Variants in DPF3 observed in about 807,000 individuals in gnomAD.
DPF3 encodes zinc finger protein DPF3.
A neutral mutation model predicts 56.8 loss-of-function variants in DPF3; 18 were observed. The ratio of observed to expected loss-of-function variants is 0.32; its 90% CI spans 0.22 to 0.47. The LOEUF (loss-of-function observed/expected upper bound fraction) is 0.47. Among genes scored for constraint, DPF3 ranks in the 20% least tolerant of loss-of-function variants. The pLI, the probability that DPF3 is intolerant of heterozygous loss-of-function variation, is 1.00. For synonymous variants in DPF3, 188 were observed against 180.2 expected, an observed-to-expected ratio of 1.04 and a Z score of -0.35; for missense variants, 403 against 488.8, an observed-to-expected ratio of 0.82 and a Z score of 1.65.
chr14:72,640,252 A>C (rs1885515571), intron 8 of DPF3, among the ~76,000 whole-genome samples: 1 of 152,102 alleles, frequency 6.6e-6, no homozygotes, highest in Admixed American at 6.5e-5. Context: ...TGAGGATCTG[A>C]ATTTAATTCT....
intron 1 of DPF3, among the ~76,000 whole-genome samples, chr14:72,860,393 G>A (rs996744918): frequency 1.1e-4 from 16 of 151,814 alleles, no homozygotes; most frequent in Admixed American, 3.3e-4. Flanking sequence ...CTATGTTGCC[G>A]AGGCTATGCT....
chr14:72,783,400 A>G (rs1892071306), intron 1 of DPF3, among the ~76,000 whole-genome samples: 3 of 152,214 alleles, frequency 2.0e-5, no homozygotes, highest in Admixed American at 2.0e-4. Context: ...CAAAAAAATG[A>G]AAGCTCTAGG....
intron 3 of DPF3, among the ~76,000 whole-genome samples, chr14:72,739,934 C>A (rs1207566287): frequency 6.6e-6 from 1 of 152,104 alleles, no homozygotes; most frequent in Non-Finnish European, 1.5e-5. Flanking sequence ...CAAGTGAAAC[C>A]TTCAGTGTGA....
intron 6 of DPF3, among the ~76,000 whole-genome samples, chr14:72,694,056 C>T (rs925592623): frequency 7.9e-5 from 12 of 152,148 alleles, no homozygotes; most frequent in African/African-American, 2.7e-4. Flanking sequence ...AGCGAGCAAT[C>T]GAAATGTGCC....
intron 1 of DPF3, among the ~76,000 whole-genome samples, chr14:72,853,806 C>T (rs905333223): frequency 1.3e-4 from 20 of 152,334 alleles, no homozygotes; most frequent in African/African-American, 4.8e-4. Flanking sequence ...CAAACTTTCA[C>T]TGCAGTACTG....
At chr14:72,678,007 T>C (rs1378157971) in intron 7 of DPF3, among the ~76,000 whole-genome samples, 2 of 152,202 alleles carry the variant, frequency 1.3e-5, no homozygotes, top group African/African-American at 4.8e-5. Context: ...CAGACATTTA[T>C]CACACCACAA....
intron 3 of DPF3, among the ~76,000 whole-genome samples, chr14:72,747,605 T>C (rs1015294035): frequency 1.4e-5 from 2 of 145,030 alleles, no homozygotes; most frequent in Admixed American, 7.2e-5. Flanking sequence ...CTGGGCAACA[T>C]AGTGAGACCC....
At position 72,618,583 on chromosome 14, in the gene DPF3, G is replaced by T. The variant is rs1948798510; in HGVS notation, c.*714C>A. Among the ~76,000 whole-genome samples the T allele has an allele frequency of 6.6e-6, 1 of 152,172 alleles. No individual in the cohort carries two copies. The highest frequency in any genetic ancestry group is 6.5e-5 in the Admixed American group (1 of 15,284). Reference sequence around the variant, plus strand: ...CCCGATGGATAACAAGTACTGACTGGCTATGGCGGGGCCTTGGCACCATTT... The same window carrying T: ...CCCGATGGATAACAAGTACTGACTGTCTATGGCGGGGCCTTGGCACCATTT... On this transcript the variant is annotated 3_prime_UTR_variant, in exon 11 of 11. Transcript: ENST00000556509.
chr14:72,892,977 AAGGAAGGAAGGAAGGAAGGAAGGAAGG>A (rs1886820972), intron 1 of DPF3, among the ~76,000 whole-genome samples: 1 of 144,774 alleles, frequency 6.9e-6, no homozygotes, highest in African/African-American at 2.6e-5. Context: ...GGAAGGAAGG[AAGGAAGGAAGGAAGGAAGGAAGGAAGG>A]AAGGAAGGAA....
intron 9 of DPF3, among the ~76,000 whole-genome samples, chr14:72,622,098 G>T (rs1285294925): frequency 3.9e-5 from 6 of 152,338 alleles, no homozygotes; most frequent in Non-Finnish European, 7.4e-5. Context: ...TGTCTTCATG[G>T]AGAAGTGTCC....
At chr14:72,670,845 T>C in intron 8 of DPF3, 1 of 1,160,462 alleles carries the variant, frequency 8.6e-7, no homozygotes, top group South Asian at 2.0e-5. Flanking sequence ...ACAATCCGTC[T>C]AACTTCCTAT....
intron 1 of DPF3, among the ~76,000 whole-genome samples, chr14:72,822,496 C>G (rs4569195): frequency 0.094 from 14,242 of 152,172 alleles, 824 homozygotes; most frequent in Admixed American, 0.18. Flanking sequence ...TAAAAGGACA[C>G]ATAAATATTT....
intron 4 of DPF3, among the ~76,000 whole-genome samples, chr14:72,728,049 C>T (rs1426023734): frequency 1.3e-5 from 2 of 150,726 alleles, no homozygotes. Flanking sequence ...AACTCAAGCC[C>T]ACCACCAGCT....
At chr14:72,881,490 C>T (rs1424754445) in intron 1 of DPF3, among the ~76,000 whole-genome samples, 1 of 152,108 alleles carries the variant, frequency 6.6e-6, no homozygotes, top group Non-Finnish European at 1.5e-5. Context: ...CCTGGGAAGA[C>T]GGCCTTCTTC....
At chr14:72,833,703 T>C (rs1368831480) in intron 1 of DPF3, among the ~76,000 whole-genome samples, 2 of 152,194 alleles carry the variant, frequency 1.3e-5, no homozygotes, top group Non-Finnish European at 2.9e-5. Context: ...GGTCACACCA[T>C]GCTGGGGCTG....
At position 72,693,121 on chromosome 14, in the gene DPF3, G is replaced by A. The variant is rs371019013; in HGVS notation, c.697C>T (p.Gln233Ter). ...TGGTTGGGTGGGGACCGAGTCTCCTGGTCTTGAGCTTCATCCCCCTCCTCG... is the reference window on the plus strand; with the variant it reads ...TGGTTGGGTGGGGACCGAGTCTCCTAGTCTTGAGCTTCATCCCCCTCCTCG... ...ASEEGDEAQDQETRSPPNHRN... is the reference protein window; with the variant it reads ...ASEEGDEAQD Residue 233 changes from glutamine (Q) to a stop codon, truncating the protein, a stop_gained, in exon 7 of 11, where the codon CAG becomes TAG. Transcript: ENST00000556509. LOFTEE classifies it high-confidence loss of function. 1 of 1,613,908 alleles carries A rather than the reference G, an allele frequency of 6.2e-7. No homozygotes were observed. Among genetic ancestry groups the A allele is most frequent in the Non-Finnish European group, 8.5e-7 (1 of 1,179,900 alleles).
intron 3 of DPF3, among the ~76,000 whole-genome samples, chr14:72,733,693 C>T (rs995972177): frequency 6.6e-6 from 1 of 152,134 alleles, no homozygotes; most frequent in Non-Finnish European, 1.5e-5. Context: ...AGGGTGAAGA[C>T]GGAAAAGCAT....
intron 8 of DPF3, among the ~76,000 whole-genome samples, chr14:72,660,755 ATGATGG>A (rs753091163): frequency 1.1e-4 from 16 of 152,284 alleles, no homozygotes; most frequent in Admixed American, 3.3e-4. Flanking sequence ...GGAGAGGGTG[ATGATGG>A]TGATGGTGAT....
chr14:72,688,339 C>T (rs970874003), intron 7 of DPF3, among the ~76,000 whole-genome samples: 4 of 147,672 alleles, frequency 2.7e-5, no homozygotes, highest in Admixed American at 6.7e-5. Context: ...GGATCGATGA[C>T]GTATACACGG....
Sources: gnomAD v4.1 joint callset for allele counts (sites outside exome capture counted in the v4.1 genomes callset) on GRCh38, gnomAD v4.1.1 for gene constraint, MANE v1.5 for transcripts, NCBI Gene and HGNC (gene_info 2026-07-23, HGNC 2026-07-21) for gene names.